Variants in SPAG16 observed in about 807,000 individuals in gnomAD.
The protein encoded by SPAG16 is sperm associated antigen 16.
In SPAG16, 86 loss-of-function variants were observed where a neutral mutation model predicts 80.4. That is an observed-to-expected ratio of 1.07 (90% CI 0.90 to 1.28). The LOEUF is 1.28. Among genes scored for constraint, SPAG16 ranks in the 50% most tolerant of loss-of-function variants. The pLI is 0.00. For missense variants in SPAG16, 870 were observed against 765.3 expected (o/e 1.14, Z -1.61); for synonymous variants, 294 against 265.9 (o/e 1.11, Z -1.03).
chr2:213,395,745 C>T (rs990979804), intron 9 of SPAG16, among the ~76,000 whole-genome samples: 1 of 152,120 alleles, frequency 6.6e-6, no homozygotes, highest in Admixed American at 6.5e-5. Flanking sequence ...GCATCATTTC[C>T]AGGGTTTATA....
At chr2:213,575,007 T>C (rs1384745281) in intron 10 of SPAG16, among the ~76,000 whole-genome samples, 2 of 152,122 alleles carry the variant, frequency 1.3e-5, no homozygotes, top group Non-Finnish European at 2.9e-5. Flanking sequence ...CTACTTCTTA[T>C]TTGTCCTGAA....
chr2:213,407,293 G>C (rs542536587), intron 9 of SPAG16, among the ~76,000 whole-genome samples: 1 of 152,074 alleles, frequency 6.6e-6, no homozygotes, highest in Admixed American at 6.5e-5. Flanking sequence ...AATCTTCCAG[G>C]ACAGGCAAGA....
At chr2:213,727,888 G>A (rs1039945633) in intron 10 of SPAG16, among the ~76,000 whole-genome samples, 2 of 151,928 alleles carry the variant, frequency 1.3e-5, no homozygotes, top group East Asian at 1.9e-4. Context: ...CACTCTTGTC[G>A]CCCAGGTTGG....
At chr2:214,068,998 CA>C (rs916213315) in intron 13 of SPAG16, among the ~76,000 whole-genome samples, 1 of 152,028 alleles carries the variant, frequency 6.6e-6, no homozygotes, top group Non-Finnish European at 1.5e-5. Context: ...CCACTTAGGA[CA>C]AAAGAAATCA....
intron 10 of SPAG16, among the ~76,000 whole-genome samples, chr2:213,778,468 G>GTAGTATGC (rs763318148): frequency 3.5e-4 from 53 of 152,050 alleles, no homozygotes; most frequent in Non-Finnish European, 7.1e-4. Context: ...AGGGCAGTAT[G>GTAGTATGC]TAGTATGCTT....
At chr2:214,069,784 A>AT in intron 13 of SPAG16, among the ~76,000 whole-genome samples, 1 of 146,280 alleles carries the variant, frequency 6.8e-6, no homozygotes, top group African/African-American at 2.8e-5. Context: ...TAAATTTTCT[A>AT]AAAAAAATCA....
At chr2:213,400,580 C>CA (rs950505063) in intron 9 of SPAG16, among the ~76,000 whole-genome samples, 2 of 151,912 alleles carry the variant, frequency 1.3e-5, no homozygotes, top group African/African-American at 2.4e-5. Context: ...AGTTTTCTAC[C>CA]AAAAAATGTT....
intron 10 of SPAG16, among the ~76,000 whole-genome samples, chr2:213,677,286 A>T (rs1437108819): frequency 4.6e-5 from 7 of 152,134 alleles, no homozygotes; most frequent in Non-Finnish European, 1.0e-4. Context: ...TTAAATGTAA[A>T]TGGACTAAAT....
intron 9 of SPAG16, among the ~76,000 whole-genome samples, chr2:213,441,364 A>G (rs1001826735): frequency 1.3e-5 from 2 of 152,210 alleles, no homozygotes; most frequent in Non-Finnish European, 2.9e-5. Flanking sequence ...TTCTATACGC[A>G]TAGTATGGAA....
At chr2:213,850,017 C>T (rs150719220) in intron 10 of SPAG16, among the ~76,000 whole-genome samples, 67 of 152,266 alleles carry the variant, frequency 4.4e-4, no homozygotes, top group African/African-American at 1.5e-3. Context: ...AAATGTTCAG[C>T]TGCTAAGGTA....
intron 10 of SPAG16, among the ~76,000 whole-genome samples, chr2:213,771,275 A>T (rs1219120750): frequency 1.3e-5 from 2 of 151,968 alleles, no homozygotes; most frequent in Admixed American, 6.6e-5. Flanking sequence ...AAAAGTGTCT[A>T]TTCATGTCCT....
At chr2:214,165,214 A>G (rs2056597585) in intron 15 of SPAG16, among the ~76,000 whole-genome samples, 1 of 152,120 alleles carries the variant, frequency 6.6e-6, no homozygotes, top group Non-Finnish European at 1.5e-5. Context: ...TTTGCATTTT[A>G]GGGGGAAAAC....
intron 9 of SPAG16, among the ~76,000 whole-genome samples, chr2:213,456,843 ACT>A (rs1270607749): frequency 3.3e-5 from 5 of 150,570 alleles, no homozygotes; most frequent in African/African-American, 7.3e-5. Context: ...TTTTGGAACA[ACT>A]CTCTATGGAT....
At chr2:213,966,393 A>G (rs949898344) in intron 12 of SPAG16, among the ~76,000 whole-genome samples, 1 of 152,230 alleles carries the variant, frequency 6.6e-6, no homozygotes, top group African/African-American at 2.4e-5. Context: ...TTAAAAGTAT[A>G]TATCTCATAA....
intron 9 of SPAG16, among the ~76,000 whole-genome samples, chr2:213,379,281 T>C (rs984441821): frequency 6.6e-6 from 1 of 152,166 alleles, no homozygotes; most frequent in Non-Finnish European, 1.5e-5. Context: ...TACCATATAT[T>C]GAATGCTGAT....
In SPAG16 at chr2:213,340,150, A is replaced by T. The variant is rs1470972023; in HGVS notation, c.537-13A>T. ...ATTAGCAGTGATTTATAAAGTTACT[A>T]TTTTTTTTTCAGCAAAGCTAGAGAA... On this transcript the variant is annotated splice_polypyrimidine_tract_variant and intron_variant, in intron 5 of 15. Coordinates refer to ENST00000331683, the MANE Select transcript of SPAG16 (RefSeq NM_024532.5). 3 of 1,509,406 alleles carry T rather than the reference A, an allele frequency of 2.0e-6. No homozygotes were observed. Among genetic ancestry groups the T allele is most frequent in the African/African-American group, 1.4e-5 (1 of 71,512 alleles). The allele number at this position is 1,509,406 out of a possible 1,614,324, so 93.5% of individuals were successfully genotyped here.
At chr2:214,384,180 A>C (rs1700619269) in intron 15 of SPAG16, among the ~76,000 whole-genome samples, 1 of 152,228 alleles carries the variant, frequency 6.6e-6, no homozygotes, top group Admixed American at 6.5e-5. Context: ...AATCTTGGCC[A>C]CTGAAGATAT....
chr2:213,613,201 C>A (rs552734341), intron 10 of SPAG16, among the ~76,000 whole-genome samples: 1 of 152,278 alleles, frequency 6.6e-6, no homozygotes, highest in Non-Finnish European at 1.5e-5. Context: ...CTGTGTTCCC[C>A]TTCACCCCCA....
intron 10 of SPAG16, among the ~76,000 whole-genome samples, chr2:213,652,352 C>T (rs1177603481): frequency 1.3e-5 from 2 of 151,972 alleles, no homozygotes; most frequent in African/African-American, 4.8e-5. Context: ...TAATCATTCA[C>T]CCAAAATTGT....
Sources: gnomAD v4.1 joint callset for allele counts (sites outside exome capture counted in the v4.1 genomes callset) on GRCh38, gnomAD v4.1.1 for gene constraint, MANE v1.5 for transcripts, NCBI Gene and HGNC (gene_info 2026-07-23, HGNC 2026-07-21) for gene names.